Variants in KIF18A observed in about 807,000 individuals in gnomAD.
The protein encoded by KIF18A is kinesin-like protein KIF18A.
In KIF18A, 67 loss-of-function variants were observed where a neutral mutation model predicts 103.3. The observed-to-expected ratio is 0.65, with a 90% CI of 0.53 to 0.79. The LOEUF (loss-of-function observed/expected upper bound fraction) is 0.79, where lower values mean the gene tolerates loss of function less well. KIF18A is among the 30% of genes least tolerant of loss of function. KIF18A has a pLI of 0.00. For missense variants in KIF18A, 1,032 were observed against 1,062.5 expected (o/e 0.97, Z 0.40); for synonymous variants, 367 against 355.5 (o/e 1.03, Z -0.36).
intron 13 of KIF18A, among the ~76,000 whole-genome samples, chr11:28,055,293 G>C (rs1850764859): frequency 6.6e-6 from 1 of 152,092 alleles, no homozygotes; most frequent in African/African-American, 2.4e-5. Flanking sequence ...TCTTCTGAAG[G>C]CAACTAAAAG....
At chr11:28,028,333 A>G (rs1565068594) in intron 15 of KIF18A, among the ~76,000 whole-genome samples, 2 of 152,166 alleles carry the variant, frequency 1.3e-5, no homozygotes, top group South Asian at 2.1e-4. Flanking sequence ...TCTGTCTCTC[A>G]GAATACAGTG....
At chr11:28,029,141 T>C (rs1850361700) in intron 15 of KIF18A, among the ~76,000 whole-genome samples, 1 of 152,090 alleles carries the variant, frequency 6.6e-6, no homozygotes, top group South Asian at 2.1e-4. Flanking sequence ...ACTATTTCAA[T>C]CTATAGAAAA....
intron 1 of KIF18A, among the ~76,000 whole-genome samples, chr11:28,104,776 T>C (rs1334881033): frequency 2.0e-5 from 3 of 152,176 alleles, no homozygotes; most frequent in Non-Finnish European, 2.9e-5. Context: ...TAAATACTTG[T>C]TGAATAAATG....
At chr11:28,058,006 A>G (rs2133524274) in intron 13 of KIF18A, among the ~76,000 whole-genome samples, 1 of 152,322 alleles carries the variant, frequency 6.6e-6, no homozygotes, top group South Asian at 2.1e-4. Context: ...TATTACACAC[A>G]TACTGCAAAG....
intron 12 of KIF18A, among the ~76,000 whole-genome samples, chr11:28,059,579 G>A (rs1446880098): frequency 1.3e-5 from 2 of 152,032 alleles, no homozygotes; most frequent in Non-Finnish European, 2.9e-5. Flanking sequence ...CCACAGATGT[G>A]TGCCACTACA....
intron 1 of KIF18A, among the ~76,000 whole-genome samples, chr11:28,106,579 T>C (rs1008643388): frequency 6.6e-6 from 1 of 152,010 alleles, no homozygotes; most frequent in Admixed American, 6.6e-5. Flanking sequence ...AAAAATCATT[T>C]TTATCGTGTC....
At chr11:28,100,090 C>T (rs952240602) in intron 1 of KIF18A, among the ~76,000 whole-genome samples, 1 of 151,876 alleles carries the variant, frequency 6.6e-6, no homozygotes, top group African/African-American at 2.4e-5. Context: ...AGAATAACTC[C>T]AAGGTTTTTG....
chr11:28,083,872 T>C (rs1220350056), intron 7 of KIF18A, among the ~76,000 whole-genome samples: 1 of 152,042 alleles, frequency 6.6e-6, no homozygotes, highest in African/African-American at 2.4e-5. Context: ...ATAATGAGCC[T>C]GGGAACATTT....
At chr11:28,081,605 C>T (rs1021425691) in intron 9 of KIF18A, among the ~76,000 whole-genome samples, 1 of 152,152 alleles carries the variant, frequency 6.6e-6, no homozygotes, top group Non-Finnish European at 1.5e-5. Context: ...ACTGACAATA[C>T]ACCTGGTCAC....
intron 15 of KIF18A, among the ~76,000 whole-genome samples, chr11:28,026,766 A>C (rs1047158728): frequency 4.0e-5 from 6 of 151,810 alleles, no homozygotes; most frequent in Non-Finnish European, 5.9e-5. Flanking sequence ...GAAGGACAAG[A>C]AAACTCACTA....
chr11:28,043,198 G>A (rs1850583560), intron 13 of KIF18A, among the ~76,000 whole-genome samples: 1 of 151,798 alleles, frequency 6.6e-6, no homozygotes, highest in South Asian at 2.1e-4. Context: ...AAAAGTACCC[G>A]ATATTATCAG....
intron 3 of KIF18A, among the ~76,000 whole-genome samples, chr11:28,094,076 T>A (rs571903492): frequency 6.6e-6 from 1 of 152,290 alleles, no homozygotes; most frequent in South Asian, 2.1e-4. Flanking sequence ...CAGTGCATAA[T>A]CTGAATCTAA....
intron 2 of KIF18A, among the ~76,000 whole-genome samples, chr11:28,096,906 T>C (rs1251962275): frequency 1.3e-5 from 2 of 150,322 alleles, no homozygotes; most frequent in African/African-American, 2.4e-5. Flanking sequence ...AAAAAGGAAA[T>C]CAACATGGCT....
rs981654410 is a variant in KIF18A, at chr11:28,044,668, G to T, written c.1949-8004C>A. Among the ~76,000 whole-genome samples, 5 of 152,036 alleles carry T rather than the reference G, an allele frequency of 3.3e-5. No individual in the cohort carries two copies. The Admixed American group carries it at 3.3e-4, about 10-fold the overall frequency. On this transcript the variant is annotated intron_variant, in intron 13 of 16. Coordinates refer to ENST00000263181, the MANE Select transcript of KIF18A (RefSeq NM_031217.4). ...GGAAGTTAGACAAAAACATTTTGTT[G>T]AGACTGCCAAGTTTTAGAAGCCTCT...
At chr11:28,088,766 CA>C (rs1298985879) in intron 5 of KIF18A, 45 bp from the exon 6 acceptor site, 2 of 1,472,660 alleles carry the variant, frequency 1.4e-6, no homozygotes, top group African/African-American at 2.8e-5. Context: ...TAAGATTTAA[CA>C]AAATTAAAAG....
At chr11:28,095,349 C>T (rs1851354889) in intron 2 of KIF18A, among the ~76,000 whole-genome samples, 1 of 152,190 alleles carries the variant, frequency 6.6e-6, no homozygotes, top group Non-Finnish European at 1.5e-5. Flanking sequence ...TCTACTTGAT[C>T]CAGCTGGAAA....
intron 15 of KIF18A, among the ~76,000 whole-genome samples, chr11:28,025,635 C>T (rs1226143587): frequency 6.6e-6 from 1 of 151,592 alleles, no homozygotes; most frequent in Non-Finnish European, 1.5e-5. Flanking sequence ...TAAAATATAC[C>T]CAAACATGTT....
chr11:28,088,902 T>C (rs1342408504), intron 5 of KIF18A, among the ~76,000 whole-genome samples, 181 bp from the exon 6 acceptor site: 2 of 152,132 alleles, frequency 1.3e-5, no homozygotes, highest in South Asian at 2.1e-4. Flanking sequence ...GAGAAAAATA[T>C]AAAAATGAAA....
intron 13 of KIF18A, among the ~76,000 whole-genome samples, chr11:28,052,919 A>G (rs1850729179): frequency 6.6e-6 from 1 of 152,188 alleles, no homozygotes; most frequent in Admixed American, 6.5e-5. Context: ...TCACAGAAAA[A>G]AGACTCTTCA....
Sources: gnomAD v4.1 joint callset for allele counts (sites outside exome capture counted in the v4.1 genomes callset) on GRCh38, gnomAD v4.1.1 for gene constraint, MANE v1.5 for transcripts, NCBI Gene and HGNC (gene_info 2026-07-23, HGNC 2026-07-21) for gene names.